DMRT1: variants seen among roughly 807,000 people sequenced by gnomAD.
DMRT1 encodes the protein doublesex- and mab-3-related transcription factor 1.
In DMRT1, 7 loss-of-function variants were observed where a neutral mutation model predicts 32.3. The ratio of observed to expected loss-of-function variants is 0.22; its 90% CI spans 0.12 to 0.41. The LOEUF (loss-of-function observed/expected upper bound fraction) is 0.41. Ranked by LOEUF, DMRT1 falls within the 10% of genes least tolerant of loss-of-function variation. The pLI, the probability that DMRT1 is intolerant of heterozygous loss-of-function variation, is 1.00. For missense variants in DMRT1, 625 were observed against 500.5 expected, an observed-to-expected ratio of 1.25 and a Z score of -2.37; for synonymous variants, 278 against 206.1, an observed-to-expected ratio of 1.35 and a Z score of -2.99.
At chr9:946,583 A>G (rs907824637) in intron 4 of DMRT1, among the ~76,000 whole-genome samples, 3 of 152,166 alleles carry the variant, frequency 2.0e-5, no homozygotes, top group Non-Finnish European at 4.4e-5. Flanking sequence ...CTGAATCCCA[A>G]TCAATCTCCA....
intron 4 of DMRT1, among the ~76,000 whole-genome samples, chr9:963,772 A>G (rs1261727123): frequency 6.6e-6 from 1 of 152,250 alleles, no homozygotes; most frequent in Non-Finnish European, 1.5e-5. Context: ...CATTAAATAT[A>G]TGCTAAGTGG....
At chr9:921,768 C>G (rs556444918) in intron 4 of DMRT1, among the ~76,000 whole-genome samples, 28 of 152,284 alleles carry the variant, frequency 1.8e-4, no homozygotes, top group African/African-American at 6.5e-4. Context: ...GTAGTTCTGA[C>G]TACTTGGGAG....
chr9:968,180 G>C lies in DMRT1; in HGVS notation c.*41G>C, dbSNP rs1819998406. The C allele has an allele frequency of 6.2e-7, 1 of 1,609,358 alleles. No individual in the cohort carries two copies. The highest frequency in any genetic ancestry group is 8.5e-7 in the Non-Finnish European group (1 of 1,177,312). On this transcript the variant is annotated 3_prime_UTR_variant, in exon 5 of 5. Coordinates refer to ENST00000382276, the MANE Select transcript of DMRT1 (RefSeq NM_021951.3). ...GATGGCGGTTCACTTGGAGTAACAG[G>C]CTTATTCCACTTTCCATGGGGTTTG...
intron 4 of DMRT1, among the ~76,000 whole-genome samples, chr9:934,496 T>G (rs113157098): frequency 0.012 from 1,805 of 152,126 alleles, 30 homozygotes; most frequent in African/African-American, 0.041. Flanking sequence ...ACACCAGCGC[T>G]CTCCAGCTTG....
At position 862,009 on chromosome 9, in the gene DMRT1, C is replaced by T. The variant is rs547610667; in HGVS notation, c.538+14866C>T. On this transcript the variant is annotated intron_variant, in intron 2 of 4. Coordinates refer to ENST00000382276, the MANE Select transcript of DMRT1 (RefSeq NM_021951.3). ...GACGGCCGGGAAGAGGTGCTCCTCA[C>T]TTCCCAGACTGGGCGGCCGGGCGGA... Among the ~76,000 whole-genome samples, 3 of 151,746 alleles carry T rather than the reference C, an allele frequency of 2.0e-5. No individual in the cohort carries two copies. The South Asian group carries it at 6.3e-4, about 32-fold the overall frequency.
chr9:848,944 C>G (rs1211319576), intron 2 of DMRT1, among the ~76,000 whole-genome samples: 2 of 64,546 alleles, frequency 3.1e-5, no homozygotes, highest in African/African-American at 4.9e-5. Context: ...GGTTTAGTGA[C>G]TAAATAATAC....
chr9:893,170 T>C (rs1018118546), intron 2 of DMRT1, among the ~76,000 whole-genome samples: 3 of 152,222 alleles, frequency 2.0e-5, no homozygotes, highest in Non-Finnish European at 4.4e-5. Context: ...CCGGACTGGC[T>C]CTTAGAACAT....
At position 841,942 on chromosome 9, in the gene DMRT1, C is replaced by A; in HGVS notation, c.104C>A (p.Ser35Tyr). The stretch of plus-strand genomic sequence containing the variant: ...AGAGCCGGGGGCTTTGGCAAAGCGT[C>A]TGGGGCGCTAGTGGGGGCGGCCAGC... ...QGRAGGFGKA[S>Y]GALVGAASGS... The change falls in exon 1 of 5, where the codon TCT becomes TAT. Residue 35 changes from serine (S) to tyrosine (Y), a missense_variant. Ser to Tyr is a moderately radical substitution (Grantham distance 144). This residue lies in a region of DMRT1 where 201 missense variants were observed against 152.0 expected (regional missense o/e 1.32). Coordinates refer to ENST00000382276, the MANE Select transcript of DMRT1 (RefSeq NM_021951.3). 1 of 1,602,804 alleles carries A rather than the reference C, an allele frequency of 6.2e-7. No individual in the cohort carries two copies. The highest frequency in any genetic ancestry group is 2.2e-5 in the East Asian group (1 of 44,542).
At chr9:964,692 G>T (rs1819878022) in intron 4 of DMRT1, among the ~76,000 whole-genome samples, 1 of 152,118 alleles carries the variant, frequency 6.6e-6, no homozygotes, top group African/African-American at 2.4e-5. Flanking sequence ...CACAAGAGCA[G>T]TACACTAACA....
chr9:917,182 G>A (rs1237289865), intron 4 of DMRT1, among the ~76,000 whole-genome samples: 2 of 152,116 alleles, frequency 1.3e-5, no homozygotes, highest in African/African-American at 4.8e-5. Flanking sequence ...GTATTTTATG[G>A]AGGATCAATA....
At chr9:938,201 G>T (rs894559810) in intron 4 of DMRT1, among the ~76,000 whole-genome samples, 3 of 152,138 alleles carry the variant, frequency 2.0e-5, no homozygotes, top group African/African-American at 4.8e-5. Flanking sequence ...TTGAAATCAG[G>T]AAATGTGATC....
chr9:866,321 C>T (rs1263227340), intron 2 of DMRT1, among the ~76,000 whole-genome samples: 2 of 151,976 alleles, frequency 1.3e-5, no homozygotes, highest in Non-Finnish European at 2.9e-5. Context: ...GATGAAGAAG[C>T]AGGAGGCATC....
At chr9:933,770 C>T (rs1364823034) in intron 4 of DMRT1, among the ~76,000 whole-genome samples, 1 of 152,142 alleles carries the variant, frequency 6.6e-6, no homozygotes, top group African/African-American at 2.4e-5. Context: ...ACAATATTTC[C>T]ATCATCATAG....
At chr9:906,385 C>T (rs1329344412) in intron 3 of DMRT1, among the ~76,000 whole-genome samples, 1 of 152,172 alleles carries the variant, frequency 6.6e-6, no homozygotes, top group African/African-American at 2.4e-5. Context: ...TAAAAGTATC[C>T]TAATGTTTCT....
intron 2 of DMRT1, among the ~76,000 whole-genome samples, chr9:891,073 C>T (rs561480804): frequency 1.8e-4 from 27 of 151,984 alleles, no homozygotes; most frequent in African/African-American, 6.5e-4. Flanking sequence ...GGTGTAGTGG[C>T]TCATGCCTGT....
intron 3 of DMRT1, among the ~76,000 whole-genome samples, chr9:902,405 G>A (rs1473635759): frequency 6.6e-6 from 1 of 151,418 alleles, no homozygotes; most frequent in Non-Finnish European, 1.5e-5. Context: ...AGTTCTTTAG[G>A]GGCTTCAGTG....
At chr9:940,719 A>G (rs1396472683) in intron 4 of DMRT1, among the ~76,000 whole-genome samples, 3 of 152,188 alleles carry the variant, frequency 2.0e-5, no homozygotes, top group African/African-American at 7.2e-5. Context: ...AAATCTGTAC[A>G]TCAAAAGACA....
chr9:849,941 A>T (rs761208864), intron 2 of DMRT1, among the ~76,000 whole-genome samples: 1 of 152,150 alleles, frequency 6.6e-6, no homozygotes, highest in African/African-American at 2.4e-5. Context: ...CTCCTGCCTC[A>T]GCCTTTCAAG....
At chr9:926,179 C>T (rs999646655) in intron 4 of DMRT1, among the ~76,000 whole-genome samples, 3 of 152,040 alleles carry the variant, frequency 2.0e-5, no homozygotes, top group African/African-American at 7.3e-5. Context: ...GTGGTGTTCT[C>T]TTTACATTGC....
Sources: gnomAD v4.1 joint callset for allele counts (sites outside exome capture counted in the v4.1 genomes callset) on GRCh38, gnomAD v4.1.1 for gene constraint, gnomAD v4.1.1 regional missense constraint, MANE v1.5 for transcripts, NCBI Gene and HGNC (gene_info 2026-07-23, HGNC 2026-07-21) for gene names.